The following ZNF148 variants were observed in gnomAD, a reference collection of about 807,000 sequenced individuals.
ZNF148 encodes the protein zinc finger protein 148.
In ZNF148, 7 loss-of-function variants were observed where a neutral mutation model predicts 67.7. The ratio of observed to expected loss-of-function variants is 0.10; its 90% CI spans 0.06 to 0.19. The LOEUF is 0.19. Among genes scored for constraint, ZNF148 ranks in the 10% least tolerant of loss-of-function variants. The probability of loss-of-function intolerance (pLI) is 1.00; values close to 1 mark genes in which losing one functional copy is unlikely to be tolerated. For synonymous variants in ZNF148, 333 were observed against 330.7 expected, an observed-to-expected ratio of 1.01 and a Z score of -0.08; for missense variants, 583 against 947.1, an observed-to-expected ratio of 0.62 and a Z score of 5.05.
rs529285699 is a variant in ZNF148, at chr3:125,288,223, G to A, written c.339C>T (p.Ser113=). Residue 113 remains serine (S), a synonymous_variant, in exon 5 of 9, where the codon AGC becomes AGT. Transcript: ENST00000360647. ...CAGTAAAAGTAATTTCCTGCTTTAC[G>A]CTTATCTGTTTAAAAAAAGAAAAGC... is the stretch of plus-strand genomic sequence containing the variant. ...GLQYALNVPI[S]VKQEITFTDV... is the part of the protein sequence containing the mutation. 10 of 1,602,974 alleles carry A rather than the reference G, an allele frequency of 6.2e-6. No homozygotes were observed. The South Asian group carries it at 6.7e-5, about 11-fold the overall frequency.
rs942830366 is a variant in ZNF148, at chr3:125,229,333, C to A, written c.*3008G>T. On this transcript the variant is annotated 3_prime_UTR_variant, in exon 9 of 9. Transcript: ENST00000360647. The stretch of plus-strand genomic sequence containing the variant: ...TGTGGAAACGAAATCCTGCCCTGAG[C>A]ACAATTCTTGACATAACTGCCTTCT... 6.6e-6 allele frequency: 1 copy of A among 151,854 alleles called. No individual in the cohort carries two copies. Among genetic ancestry groups the A allele is most frequent in the Non-Finnish European group, 1.5e-5 (1 of 67,990 alleles). The allele number at this position is 151,854 out of a possible 1,614,324, so 9.4% of individuals were successfully genotyped here.
intron 4 of ZNF148, among the ~76,000 whole-genome samples, chr3:125,301,994 G>C (rs969098301): frequency 2.0e-5 from 3 of 152,126 alleles, no homozygotes; most frequent in African/African-American, 7.2e-5. Context: ...GAACCCAGGA[G>C]GTGGAGGTTG....
In ZNF148 at chr3:125,234,053, T is replaced by A. The variant is rs563306902; in HGVS notation, c.787-114A>T. 193 of 1,380,466 alleles carry A rather than the reference T, an allele frequency of 1.4e-4. 2 individuals are homozygous for A. The South Asian group carries it at 2.6e-3, about 19-fold the overall frequency. The allele number at this position is 1,380,466 out of a possible 1,614,324, so 85.5% of individuals were successfully genotyped here. A position where few individuals can be genotyped will look rare whatever the true frequency, so the allele number is the denominator to read the frequency against. Reference sequence around the variant, plus strand: ...TATATTAATGCAATAACATACATAATTCCAAACAAATTCACTGAGCCAATT... The same window carrying A: ...TATATTAATGCAATAACATACATAAATCCAAACAAATTCACTGAGCCAATT... On this transcript the variant is annotated intron_variant, in intron 8 of 8. Transcript: ENST00000360647.
intron 1 of ZNF148, among the ~76,000 whole-genome samples, chr3:125,340,917 G>A (rs1941690628): frequency 6.7e-6 from 1 of 149,074 alleles, no homozygotes; most frequent in Non-Finnish European, 1.5e-5. Context: ...GAACCCAGGA[G>A]GCGGAGCTTG....
intron 1 of ZNF148, among the ~76,000 whole-genome samples, chr3:125,364,146 C>T (rs1019449600): frequency 6.6e-6 from 1 of 152,162 alleles, no homozygotes; most frequent in African/African-American, 2.4e-5. Flanking sequence ...TGCCTGTAAT[C>T]CCAGCACTCT....
At chr3:125,297,858 T>C (rs1479855077) in intron 4 of ZNF148, among the ~76,000 whole-genome samples, 1 of 152,164 alleles carries the variant, frequency 6.6e-6, no homozygotes, top group Non-Finnish European at 1.5e-5. Flanking sequence ...TAAATTCAAT[T>C]CTAAGTATAT....
intron 7 of ZNF148, among the ~76,000 whole-genome samples, chr3:125,255,858 CCCTG>C (rs1341489675): frequency 6.6e-6 from 1 of 151,414 alleles, no homozygotes; most frequent in East Asian, 1.9e-4. Flanking sequence ...TCTTTTTTTT[CCCTG>C]CCTGTCTTTA....
At chr3:125,346,065 G>A (rs1385484325) in intron 1 of ZNF148, among the ~76,000 whole-genome samples, 2 of 152,164 alleles carry the variant, frequency 1.3e-5, no homozygotes. Flanking sequence ...TACAAATGTA[G>A]CTGCAAAAAT....
At chr3:125,313,175 A>G in intron 4 of ZNF148, 133 bp downstream of exon 4, 1 of 594,192 alleles carries the variant, frequency 1.7e-6, no homozygotes, top group Non-Finnish European at 2.7e-6. Flanking sequence ...GATTTATGTC[A>G]ATATTTTAGT....
intron 1 of ZNF148, among the ~76,000 whole-genome samples, chr3:125,351,742 C>G (rs949447326): frequency 1.3e-5 from 2 of 152,098 alleles, no homozygotes; most frequent in Non-Finnish European, 2.9e-5. Flanking sequence ...GGCAAAAGAT[C>G]AGAAGACATT....
intron 7 of ZNF148, among the ~76,000 whole-genome samples, chr3:125,236,096 T>TA (rs1936076997): frequency 1.8e-5 from 1 of 55,078 alleles, no homozygotes. Context: ...ACTTAAAGTA[T>TA]TAAAAAAAAA....
chr3:125,323,166 C>A, intron 3 of ZNF148, 143 bp downstream of exon 3: 1 of 376,316 alleles, frequency 2.7e-6, no homozygotes, highest in Non-Finnish European at 4.7e-6. Context: ...AGGAAAAAAA[C>A]TAGTTTCTTC....
At chr3:125,333,246 A>G (rs1941360608) in intron 1 of ZNF148, among the ~76,000 whole-genome samples, 1 of 152,248 alleles carries the variant, frequency 6.6e-6, no homozygotes, top group South Asian at 2.1e-4. Context: ...ATCACAGAAT[A>G]TAACTTAGAT....
At chr3:125,235,721 C>A (rs1936054818) in intron 7 of ZNF148, among the ~76,000 whole-genome samples, 1 of 151,890 alleles carries the variant, frequency 6.6e-6, no homozygotes, top group Admixed American at 6.6e-5. Context: ...CAACGATAGA[C>A]TGGATTAAGA....
At chr3:125,246,955 T>C (rs1273523476) in intron 7 of ZNF148, among the ~76,000 whole-genome samples, 1 of 152,124 alleles carries the variant, frequency 6.6e-6, no homozygotes, top group African/African-American at 2.4e-5. Flanking sequence ...GTAGAACCCA[T>C]ATACTATGCA....
At chr3:125,279,457 T>G (rs1938257585) in intron 5 of ZNF148, among the ~76,000 whole-genome samples, 1 of 152,140 alleles carries the variant, frequency 6.6e-6, no homozygotes, top group Non-Finnish European at 1.5e-5. Context: ...AAATCACTAA[T>G]AAAACCTTGG....
intron 4 of ZNF148, among the ~76,000 whole-genome samples, chr3:125,301,314 G>C (rs935595937): frequency 6.6e-6 from 1 of 152,144 alleles, no homozygotes. Flanking sequence ...GTAACACAGC[G>C]AGACCCCATC....
At chr3:125,355,445 C>A (rs183800674) in intron 1 of ZNF148, among the ~76,000 whole-genome samples, 1 of 152,084 alleles carries the variant, frequency 6.6e-6, no homozygotes, top group South Asian at 2.1e-4. Context: ...TGTCTCCAGA[C>A]GTTTGACAAA....
intron 1 of ZNF148, among the ~76,000 whole-genome samples, chr3:125,373,532 T>C (rs1479389220): frequency 6.6e-6 from 1 of 152,064 alleles, no homozygotes; most frequent in African/African-American, 2.4e-5. Flanking sequence ...TTTCCTGACA[T>C]AGAGATGCTA....
Sources: allele counts gnomAD v4.1 joint callset (sites outside exome capture counted in the v4.1 genomes callset), GRCh38; gene constraint gnomAD v4.1.1; transcripts MANE v1.5; gene names NCBI Gene and HGNC (gene_info 2026-07-23, HGNC 2026-07-21).